The following NLRP5 variants were observed in gnomAD, a reference collection of about 807,000 sequenced individuals.
NLRP5 encodes NLR family pyrin domain containing 5.
A neutral mutation model predicts 113.1 loss-of-function variants in NLRP5; 93 were observed. The observed-to-expected ratio is 0.82, with a 90% CI of 0.70 to 0.98. The LOEUF (loss-of-function observed/expected upper bound fraction) is 0.98. Ranked by LOEUF, NLRP5 falls within the 50% of genes least tolerant of loss-of-function variation. The pLI is 0.00. For missense variants in NLRP5, 1,808 were observed against 1,514.3 expected (o/e 1.19, Z -3.22); for synonymous variants, 751 against 600.7 (o/e 1.25, Z -3.66).
chr19:56,004,183 C>G (rs1443244462), intron 2 of NLRP5, 88 bp downstream of exon 2: 2 of 1,359,164 alleles, frequency 1.5e-6, no homozygotes, highest in Non-Finnish European at 2.0e-6. Context: ...TGTTCAGTAA[C>G]CGGCTCCACC....
In NLRP5 at chr19:56,008,850, C is replaced by T. The variant is rs1157090323; in HGVS notation, c.505C>T (p.Pro169Ser). 2 of 1,611,610 alleles carry T rather than the reference C, an allele frequency of 1.2e-6. No homozygotes were observed. Among genetic ancestry groups the T allele is most frequent in the African/African-American group, 1.3e-5 (1 of 74,992 alleles). The change falls in exon 3 of 15, where the codon CCA becomes TCA. Residue 169 changes from proline to serine, a missense_variant. Pro to Ser is a moderately conservative substitution (Grantham distance 74). Coordinates refer to ENST00000390649, the MANE Select transcript of NLRP5 (RefSeq NM_153447.4). Reference sequence around the variant, plus strand: ...CCAAGGACCAAGCAAGGAAAAAGTGCCAGGTTAGAGGGGTGGAGTTGGGGG... The same window carrying T: ...CCAAGGACCAAGCAAGGAAAAAGTGTCAGGTTAGAGGGGTGGAGTTGGGGG...
At chr19:56,005,425 A>T (rs922804787) in intron 2 of NLRP5, among the ~76,000 whole-genome samples, 9 of 149,042 alleles carry the variant, frequency 6.0e-5, no homozygotes, top group Non-Finnish European at 1.2e-4. Context: ...TTTTATATAT[A>T]CACATATTTA....
In NLRP5 at chr19:56,026,987, A is replaced by C. The variant is rs1190980602; in HGVS notation, c.754A>C (p.Ser252Arg). 1.3e-6 allele frequency: 2 copies of C among 1,551,650 alleles called. No individual in the cohort carries two copies. Among genetic ancestry groups the C allele is most frequent in the Non-Finnish European group, 1.7e-6 (2 of 1,147,018 alleles). ...CGCTGAGGAGGAGGATGTACGTCGTAGTTTTGAAAACACTGCTGCTGACTG... is the reference window on the plus strand; with the variant it reads ...CGCTGAGGAGGAGGATGTACGTCGTCGTTTTGAAAACACTGCTGCTGACTG... The change falls in exon 7 of 15, where the codon AGT (serine) becomes CGT (arginine). Residue 252 changes from serine to arginine, a missense_variant. Coordinates refer to ENST00000390649, the MANE Select transcript of NLRP5 (RefSeq NM_153447.4).
intron 11 of NLRP5, among the ~76,000 whole-genome samples, chr19:56,046,242 G>A (rs1036727092): frequency 2.0e-5 from 3 of 152,088 alleles, no homozygotes; most frequent in South Asian, 2.1e-4. Context: ...AGTTTATGTG[G>A]TGTATCACAT....
At chr19:56,006,348 A>T (rs940246176) in intron 2 of NLRP5, among the ~76,000 whole-genome samples, 2 of 152,170 alleles carry the variant, frequency 1.3e-5, no homozygotes, top group Non-Finnish European at 2.9e-5. Context: ...TGGGTGCAGC[A>T]CACCAACATA....
At chr19:56,005,291 A>T (rs867645404) in intron 2 of NLRP5, among the ~76,000 whole-genome samples, 9 of 147,302 alleles carry the variant, frequency 6.1e-5, no homozygotes, top group Middle Eastern at 3.3e-3. Flanking sequence ...ATATATTTTT[A>T]TATATACACA....
the NLRP5 span, among the ~76,000 whole-genome samples, chr19:55,994,288 C>A: frequency 6.6e-6 from 1 of 152,178 alleles, no homozygotes; most frequent in Non-Finnish European, 1.5e-5. Flanking sequence ...TTACCCACTT[C>A]TTAAATGGAT....
chr19:55,987,977 C>T, the NLRP5 span: 1 of 1,273,918 alleles, frequency 7.8e-7, no homozygotes, highest in Non-Finnish European at 1.1e-6. Flanking sequence ...CTGGCAAATA[C>T]CAGGCGTTAT....
chr19:56,017,536 C>T (rs1982455335), intron 4 of NLRP5, among the ~76,000 whole-genome samples: 2 of 152,122 alleles, frequency 1.3e-5, no homozygotes, highest in African/African-American at 4.8e-5. Context: ...TGTTGAGGAT[C>T]GTGTGGCTTC....
In NLRP5 at chr19:56,015,921, G is replaced by C; in HGVS notation, c.565+123G>C. 7.9e-6 allele frequency: 5 copies of C among 636,866 alleles called. No individual in the cohort carries two copies. In the South Asian group the frequency reaches 9.4e-5, roughly 12 times the overall value. 39.5% of individuals were successfully genotyped at this position (636,866 alleles called of 1,614,324 possible). Reference sequence around the variant, plus strand: ...TTCTTCATCCTCATTTGTCTCTGGTGTGTGAGTCCCTCTTCCCTAAGAGAT... The same window carrying C: ...TTCTTCATCCTCATTTGTCTCTGGTCTGTGAGTCCCTCTTCCCTAAGAGAT... On this transcript the variant is annotated intron_variant, in intron 4 of 14. Coordinates refer to ENST00000390649, the MANE Select transcript of NLRP5 (RefSeq NM_153447.4).
the NLRP5 span, chr19:55,987,990 T>TAACGC: frequency 9.2e-7 from 1 of 1,082,372 alleles, no homozygotes; most frequent in Non-Finnish European, 1.4e-6. Flanking sequence ...GGCGTTATCA[T>TAACGC]CCTGTATGCA....
In NLRP5 at chr19:56,008,846, A is replaced by G. The variant is rs1055614511; in HGVS notation, c.501A>G (p.Lys167=). 2 of 1,612,372 alleles carry G rather than the reference A, an allele frequency of 1.2e-6. No individual in the cohort carries two copies. The highest frequency in any genetic ancestry group is 1.7e-6 in the Non-Finnish European group (2 of 1,179,202). ...CTGACCAAGGACCAAGCAAGGAAAAAGTGCCAGGTTAGAGGGGTGGAGTTG... is the reference window on the plus strand; with the variant it reads ...CTGACCAAGGACCAAGCAAGGAAAAGGTGCCAGGTTAGAGGGGTGGAGTTG... The change falls in exon 3 of 15, where the codon AAA becomes AAG. Residue 167 remains lysine (K), a synonymous_variant. Transcript: ENST00000390649.
chr19:56,021,971 CA>C, intron 6 of NLRP5, among the ~76,000 whole-genome samples: 1 of 152,192 alleles, frequency 6.6e-6, no homozygotes, highest in Non-Finnish European at 1.5e-5. Flanking sequence ...AGCTCTGAGA[CA>C]GCTTCAAGCT....
upstream of NLRP5, among the ~76,000 whole-genome samples, chr19:55,999,190 C>T (rs192009105): frequency 8.0e-5 from 12 of 149,190 alleles, no homozygotes; most frequent in African/African-American, 2.9e-4. Context: ...TGAGATCCTA[C>T]TAAATCTTTT....
intron 4 of NLRP5, 196 bp from the exon 5 acceptor site, chr19:56,019,146 T>C: frequency 1.6e-6 from 1 of 639,142 alleles, no homozygotes. Context: ...GAAATGAGCC[T>C]GGGACCCTCA....
At chr19:56,045,553 C>T (rs1394639146) in intron 11 of NLRP5, among the ~76,000 whole-genome samples, 4 of 151,824 alleles carry the variant, frequency 2.6e-5, no homozygotes, top group African/African-American at 9.7e-5. Context: ...TAATGCTATC[C>T]CTCCTCCGAC....
At chr19:55,993,869 C>T in the NLRP5 span, among the ~76,000 whole-genome samples, 4 of 151,320 alleles carry the variant, frequency 2.6e-5, no homozygotes, top group Non-Finnish European at 5.9e-5. Context: ...GTGTATACCA[C>T]GTTTTCTTGA....
Position 56,027,336 on chromosome 19 carries a change from G to GCTCTGTC in NLRP5, c.1107_1113dup (p.Asn372CysfsTer5), listed in dbSNP as rs780477074. 1 of 1,612,856 alleles carries GCTCTGTC rather than the reference G, an allele frequency of 6.2e-7. No homozygotes were observed. Among genetic ancestry groups the GCTCTGTC allele is most frequent in the South Asian group, 1.1e-5 (1 of 91,036 alleles). On this transcript the variant is annotated frameshift_variant, in exon 7 of 15. Transcript: ENST00000390649. LOFTEE classifies it high-confidence loss of function. ...ATCATTGACGGTTTCGATGACCTGG[G>GCTCTGTC]CTCTGTCCTCAACAATGACACAAAG...
the NLRP5 span, among the ~76,000 whole-genome samples, chr19:55,990,079 CT>C: frequency 0.015 from 1,481 of 95,796 alleles, 21 homozygotes; most frequent in Middle Eastern, 0.045. Context: ...TTTCTTTTTT[CT>C]TTTTTTTTTT....
Sources: gnomAD v4.1 joint callset for allele counts (sites outside exome capture counted in the v4.1 genomes callset) on GRCh38, gnomAD v4.1.1 for gene constraint, MANE v1.5 for transcripts, NCBI Gene and HGNC (gene_info 2026-07-23, HGNC 2026-07-21) for gene names.